DAW1: variants seen among roughly 807,000 people sequenced by gnomAD.
DAW1 encodes the protein dynein assembly factor with WD repeat domains 1.
In DAW1, 47 loss-of-function variants were observed where a neutral mutation model predicts 56.5. The ratio of observed to expected loss-of-function variants is 0.83; its 90% confidence interval spans 0.66 to 1.06. The LOEUF (loss-of-function observed/expected upper bound fraction) is 1.06. Ranked by LOEUF, DAW1 falls within the 50% of genes least tolerant of loss-of-function variation. The probability of loss-of-function intolerance (pLI) is 0.00; values close to 1 mark genes in which losing one functional copy is unlikely to be tolerated. For missense variants in DAW1, 505 were observed against 499.3 expected (o/e 1.01, Z -0.11); for synonymous variants, 190 against 179.0 (o/e 1.06, Z -0.49).
At chr2:227,882,398 C>A (rs1691031456) in intron 1 of DAW1, among the ~76,000 whole-genome samples, 1 of 152,132 alleles carries the variant, frequency 6.6e-6, no homozygotes, top group Non-Finnish European at 1.5e-5. Flanking sequence ...ATAGTGGTCA[C>A]TGTATTTATT....
intron 10 of DAW1, among the ~76,000 whole-genome samples, chr2:227,914,338 A>G (rs1227518297): frequency 6.6e-6 from 1 of 152,084 alleles, no homozygotes; most frequent in Non-Finnish European, 1.5e-5. Context: ...TATATGCACC[A>G]TCTCCTTGAT....
At chr2:227,882,077 C>G (rs1691025291) in intron 1 of DAW1, among the ~76,000 whole-genome samples, 1 of 152,138 alleles carries the variant, frequency 6.6e-6, no homozygotes, top group South Asian at 2.1e-4. Flanking sequence ...CTCAATGGCT[C>G]AGTGCTTTTG....
intron 10 of DAW1, among the ~76,000 whole-genome samples, chr2:227,907,691 G>A (rs188591431): frequency 1.3e-5 from 2 of 152,252 alleles, no homozygotes; most frequent in Admixed American, 1.3e-4. Context: ...GGGAATACAG[G>A]CATGCACCAC....
chr2:227,900,154 G>A (rs1238676356), intron 6 of DAW1, among the ~76,000 whole-genome samples: 1 of 152,144 alleles, frequency 6.6e-6, no homozygotes, highest in African/African-American at 2.4e-5. Flanking sequence ...GTGCCTCATA[G>A]CAACCCTAAG....
At chr2:227,876,364 T>G in intron 1 of DAW1, 6 of 1,143,652 alleles carry the variant, frequency 5.2e-6, no homozygotes, top group Non-Finnish European at 6.9e-6. Context: ...GACTCATGTT[T>G]GCGACTATTG....
chr2:227,923,015 A>G (rs1020627787), intron 12 of DAW1, among the ~76,000 whole-genome samples: 47 of 152,208 alleles, frequency 3.1e-4, no homozygotes, highest in Non-Finnish European at 8.8e-5. Flanking sequence ...GTTTTCACAG[A>G]AGACCCTGGA....
At chr2:227,921,347 G>A in intron 11 of DAW1, 52 bp from the exon 12 acceptor site, 1 of 230,606 alleles carries the variant, frequency 4.3e-6, no homozygotes, top group Non-Finnish European at 8.0e-6. Flanking sequence ...GATAAGAAAT[G>A]TTTTGGGAAC....
intron 12 of DAW1, 127 bp from the exon 13 acceptor site, chr2:227,923,807 G>A (rs878862627): frequency 2.9e-5 from 31 of 1,082,182 alleles, no homozygotes; most frequent in African/African-American, 2.2e-4. Flanking sequence ...GCAGCTAGGC[G>A]CGGAGAACCT....
At chr2:227,907,638 C>G (rs1283554628) in intron 10 of DAW1, among the ~76,000 whole-genome samples, 3 of 152,172 alleles carry the variant, frequency 2.0e-5, no homozygotes, top group Non-Finnish European at 4.4e-5. Context: ...ACCTCCGCCT[C>G]CCAGGCTCAA....
intron 4 of DAW1, among the ~76,000 whole-genome samples, chr2:227,892,409 C>T (rs1163396092): frequency 1.3e-5 from 2 of 152,194 alleles, no homozygotes; most frequent in Non-Finnish European, 2.9e-5. Context: ...GCTGAGATTA[C>T]AGGCGTGAGC....
chr2:227,919,754 A>G (rs1692060734), intron 11 of DAW1, among the ~76,000 whole-genome samples: 1 of 152,206 alleles, frequency 6.6e-6, no homozygotes, highest in Non-Finnish European at 1.5e-5. Context: ...AGAGTAGGCT[A>G]GGATTGGTGG....
At chr2:227,877,762 G>T (rs1690913867) in intron 1 of DAW1, among the ~76,000 whole-genome samples, 1 of 152,114 alleles carries the variant, frequency 6.6e-6, no homozygotes, top group Non-Finnish European at 1.5e-5. Context: ...TGCTGCTGCT[G>T]ATCTGACAGG....
chr2:227,921,696 C>T lies in DAW1; in HGVS notation c.1213+135C>T, dbSNP rs564246591. The T allele has an allele frequency of 1.6e-4, 139 of 881,910 alleles. 2 individuals are homozygous for T. In the South Asian group the frequency reaches 3.7e-3, roughly 23 times the overall value. 54.6% of individuals were successfully genotyped at this position (881,910 alleles called of 1,614,324 possible). On this transcript the variant is annotated intron_variant, in intron 12 of 12. Coordinates refer to ENST00000309931, the MANE Select transcript of DAW1 (RefSeq NM_178821.3). ...TCACTAGCTCATCTTGGCCTGCCCT[C>T]ATATTTTCATTATTTAATTTTAGTT...
chr2:227,878,524 C>A (rs1365190347), intron 1 of DAW1, among the ~76,000 whole-genome samples: 2 of 152,110 alleles, frequency 1.3e-5, no homozygotes, highest in Admixed American at 6.5e-5. Context: ...GAGTTGAAGA[C>A]CAGCCTGAGA....
At chr2:227,895,763 G>C (rs1281176878) in intron 5 of DAW1, among the ~76,000 whole-genome samples, 1 of 152,168 alleles carries the variant, frequency 6.6e-6, no homozygotes, top group Non-Finnish European at 1.5e-5. Flanking sequence ...TTGCCATCAA[G>C]GATTTGGGAA....
chr2:227,906,132 C>T (rs780823587), intron 8 of DAW1, 104 bp from the exon 9 acceptor site: 13 of 781,044 alleles, frequency 1.7e-5, no homozygotes, highest in Non-Finnish European at 2.5e-5. Context: ...TTTGTAAAAA[C>T]CAGATTTTAG....
intron 10 of DAW1, among the ~76,000 whole-genome samples, chr2:227,908,114 C>T (rs1198430528): frequency 6.6e-6 from 1 of 152,200 alleles, no homozygotes; most frequent in African/African-American, 2.4e-5. Flanking sequence ...TGACACTACA[C>T]TATATCTGTC....
intron 6 of DAW1, among the ~76,000 whole-genome samples, chr2:227,902,328 G>A (rs1184994344): frequency 2.6e-5 from 4 of 152,102 alleles, no homozygotes; most frequent in Admixed American, 1.3e-4. Flanking sequence ...TAACAGTGTC[G>A]AGGATACTGG....
rs556109006 is a variant in DAW1 at position 227,915,426 on chromosome 2, A to G, written c.974-3354A>G. Among the ~76,000 whole-genome samples the G allele has an allele frequency of 4.6e-5, 7 of 152,184 alleles. No homozygotes were observed. The South Asian group carries it at 1.4e-3, about 32-fold the overall frequency. ...CTCTTTTTCTTGATATCCATAAAGT[A>G]TGCTATTTTATGGGTCAGTTTCCTA... On this transcript the variant is annotated intron_variant, in intron 10 of 12. Coordinates refer to ENST00000309931, the MANE Select transcript of DAW1 (RefSeq NM_178821.3).
Sources: allele counts gnomAD v4.1 joint callset (sites outside exome capture counted in the v4.1 genomes callset), GRCh38; gene constraint gnomAD v4.1.1; transcripts MANE v1.5; gene names NCBI Gene and HGNC (gene_info 2026-07-23, HGNC 2026-07-21).